The following SPRY4 variants were observed in gnomAD, a reference collection of about 807,000 sequenced individuals.
SPRY4 encodes sprouty RTK signaling antagonist 4, also known as protein sprouty homolog 4.
Under a neutral mutation model 17.0 loss-of-function variants are expected in SPRY4, and 7 were observed. That is an observed-to-expected ratio of 0.41 (90% CI 0.23 to 0.77). The LOEUF (loss-of-function observed/expected upper bound fraction) is 0.77, where lower values mean the gene tolerates loss of function less well. Among genes scored for constraint, SPRY4 ranks in the 30% least tolerant of loss-of-function variants. SPRY4 has a pLI of 0.32. For synonymous variants in SPRY4, 183 were observed against 174.1 expected (o/e 1.05, Z -0.40); for missense variants, 435 against 419.9 (o/e 1.04, Z -0.31).
chr5:142,324,977 G>C lies in SPRY4; in HGVS notation c.-181C>G, dbSNP rs545532436. 2.6e-5 allele frequency: 4 copies of C among 152,694 alleles called. No homozygotes were observed. Among genetic ancestry groups the C allele is most frequent in the Admixed American group, 6.5e-5 (1 of 15,290 alleles). The allele number at this position is 152,694 out of a possible 1,614,324, so 9.5% of individuals were successfully genotyped here. On this transcript the variant is annotated 5_prime_UTR_variant, in exon 1 of 2. Transcript: ENST00000434127. ...AGGCTCCCTGCGCTCCACAGCGCCA[G>C]CTCCGCGCTGTCAGCTCAGCTCGCT...
intron 1 of SPRY4, chr5:142,317,855 G>A: frequency 1.0e-6 from 1 of 985,390 alleles, no homozygotes; most frequent in Non-Finnish European, 1.2e-6. Context: ...GTCAACATCT[G>A]GGCCTGCAGT....
Position 142,314,037 on chromosome 5 carries a change from ATACAGGG to A in SPRY4, c.*165_*171del. 1.5e-6 allele frequency: 1 copy of A among 681,942 alleles called. No individual in the cohort carries two copies. Among genetic ancestry groups the A allele is most frequent in the Non-Finnish European group, 2.4e-6 (1 of 414,766 alleles). 42.2% of individuals were successfully genotyped at this position (681,942 alleles called of 1,614,324 possible). A position where few individuals can be genotyped will look rare whatever the true frequency, so the allele number is the denominator to read the frequency against. ...AAGTGCTTCTTCATCACCTTGGGGA[ATACAGGG>A]TACGTGGTGGTGGTCTCTGTATTTT... On this transcript the variant is annotated 3_prime_UTR_variant, in exon 2 of 2. Coordinates refer to ENST00000434127, the MANE Select transcript of SPRY4 (RefSeq NM_001127496.3). The surrounding 1 kb of genome is among the most constrained non-coding windows in gnomAD (Gnocchi z 4.8).
In SPRY4 at chr5:142,314,628, C is replaced by A; in HGVS notation, c.481G>T (p.Ala161Ser). 1.2e-6 allele frequency: 2 copies of A among 1,614,242 alleles called. No homozygotes were observed. Among genetic ancestry groups the A allele is most frequent in the South Asian group, 2.2e-5 (2 of 91,086 alleles). ...ELDKHFLLCE[A>S]CGKCKCKECA... is the part of the protein sequence containing the mutation. ...TCCTTGCATTTACACTTCCCACAGG[C>A]CTCGCACAGCAAGAAGTGCTTGTCC... is the stretch of plus-strand genomic sequence containing the variant. Residue 161 changes from alanine to serine, a missense_variant, in exon 2 of 2, where the codon GCC becomes TCC. Transcript: ENST00000434127. This position sits in a 1 kb window ranked among gnomAD's most constrained non-coding sequence, Gnocchi z 4.8.
chr5:142,321,721 A>G (rs1175665209), intron 1 of SPRY4, among the ~76,000 whole-genome samples: 31 of 152,242 alleles, frequency 2.0e-4, no homozygotes, highest in Admixed American at 2.0e-3. Flanking sequence ...CAAATGGAAC[A>G]CTATGATTCT....
At position 142,317,038 on chromosome 5, in the gene SPRY4, G is replaced by C. The variant is rs569396325; in HGVS notation, c.-47-1883C>G. The C allele has an allele frequency of 8.1e-6, 8 of 985,340 alleles. No homozygotes were observed. The African/African-American group carries it at 1.4e-4, about 17-fold the overall frequency. 61.0% of individuals were successfully genotyped at this position (985,340 alleles called of 1,614,324 possible). A position where few individuals can be genotyped will look rare whatever the true frequency, so the allele number is the denominator to read the frequency against. Reference sequence around the variant, plus strand: ...ACCATAGCATCACCTTTGAATTGGCGATTTCCTTGTGGCAGAGTTTACCTT... The same window carrying C: ...ACCATAGCATCACCTTTGAATTGGCCATTTCCTTGTGGCAGAGTTTACCTT... On this transcript the variant is annotated intron_variant, in intron 1 of 1. Coordinates refer to ENST00000434127, the MANE Select transcript of SPRY4 (RefSeq NM_001127496.3).
chr5:142,323,762 G>A (rs1264192664), intron 1 of SPRY4: 2 of 152,310 alleles, frequency 1.3e-5, no homozygotes, highest in Non-Finnish European at 1.5e-5. Context: ...TCTGCATGGA[G>A]GGGGAACTGG....
chr5:142,322,493 T>A (rs1395863613), intron 1 of SPRY4, among the ~76,000 whole-genome samples: 5 of 143,874 alleles, frequency 3.5e-5, no homozygotes, highest in Non-Finnish European at 6.1e-5. Context: ...AATATATATA[T>A]ATATATATAA....
At position 142,311,289 on chromosome 5, in the gene SPRY4, G is replaced by A. The variant is rs1285916543; in HGVS notation, c.*2920C>T. 1 of 152,208 alleles carries A rather than the reference G, an allele frequency of 6.6e-6. No homozygotes were observed. The highest frequency in any genetic ancestry group is 1.5e-5 in the Non-Finnish European group (1 of 68,072). 9.4% of individuals were successfully genotyped at this position (152,208 alleles called of 1,614,324 possible). The stretch of plus-strand genomic sequence containing the variant: ...TCCTTCATTAACACGGGCAGCCAGA[G>A]CCCCCTAGAAGCGTCCTGGATCCCA... On this transcript the variant is annotated 3_prime_UTR_variant, in exon 2 of 2. Coordinates refer to ENST00000434127, the MANE Select transcript of SPRY4 (RefSeq NM_001127496.3).
intron 1 of SPRY4, chr5:142,317,878 T>C (rs1759211601): frequency 1.0e-6 from 1 of 985,184 alleles, no homozygotes; most frequent in Admixed American, 6.2e-5. Flanking sequence ...AGGCCAGACA[T>C]GGGGATGGGA....
At chr5:142,321,246 G>A (rs1173781979) in intron 1 of SPRY4, among the ~76,000 whole-genome samples, 1 of 152,184 alleles carries the variant, frequency 6.6e-6, no homozygotes, top group Non-Finnish European at 1.5e-5. Context: ...ATAACCATGA[G>A]CATGGCCCTA....
intron 1 of SPRY4, chr5:142,319,733 T>C: frequency 1.2e-6 from 2 of 1,611,922 alleles, no homozygotes; most frequent in Non-Finnish European, 1.7e-6. Flanking sequence ...TGACACTCAC[T>C]GCATTTGTAC....
chr5:142,318,122 T>C (rs1004130956), intron 1 of SPRY4: 15 of 984,850 alleles, frequency 1.5e-5, no homozygotes, highest in Admixed American at 6.2e-5. Flanking sequence ...AACAATTTTC[T>C]GAGCTGCCTA....
Position 142,314,608 on chromosome 5 carries a change from G to A in SPRY4, c.501C>T (p.Cys167=), listed in dbSNP as rs1188156447. The change falls in exon 2 of 2, where the codon TGC becomes TGT. Residue 167 remains cysteine, a synonymous_variant. Transcript: ENST00000434127. The surrounding 1 kb of genome is among the most constrained non-coding windows in gnomAD (Gnocchi z 4.8). ...LLCEACGKCK[C]KECASPRTLP... is the part of the protein sequence containing the mutation. ...ACGTCCGGGGGGATGCACACTCCTT[G>A]CATTTACACTTCCCACAGGCCTCGC... 6.2e-7 allele frequency: 1 copy of A among 1,614,232 alleles called. No individual in the cohort carries two copies. Among genetic ancestry groups the A allele is most frequent in the Non-Finnish European group, 8.5e-7 (1 of 1,180,032 alleles).
At chr5:142,324,011 T>TA (rs1196701333) in intron 1 of SPRY4, 28 of 152,544 alleles carry the variant, frequency 1.8e-4, no homozygotes, top group African/African-American at 6.5e-4. Context: ...CGCCTGGTGT[T>TA]ATGTAAACGC....
Position 142,314,602 on chromosome 5 carries a change from C to T in SPRY4, c.507G>A (p.Glu169=), listed in dbSNP as rs771726786. The change falls in exon 2 of 2, where the codon GAG becomes GAA. Residue 169 remains glutamate, a synonymous_variant. Coordinates refer to ENST00000434127, the MANE Select transcript of SPRY4 (RefSeq NM_001127496.3). The surrounding 1 kb of genome is among the most constrained non-coding windows in gnomAD (Gnocchi z 4.8). ...AAGGCAACGTCCGGGGGGATGCACACTCCTTGCATTTACACTTCCCACAGG... is the reference window on the plus strand; with the variant it reads ...AAGGCAACGTCCGGGGGGATGCACATTCCTTGCATTTACACTTCCCACAGG... The part of the protein sequence containing the change: ...CEACGKCKCK[E]CASPRTLPSC... 1.4e-5 allele frequency: 23 copies of T among 1,614,134 alleles called. No individual in the cohort carries two copies. The highest frequency in any genetic ancestry group is 6.7e-5 in the Admixed American group (4 of 60,012).
intron 1 of SPRY4, chr5:142,315,840 T>A (rs190113742): frequency 6.6e-6 from 1 of 152,324 alleles, no homozygotes. Context: ...CCTGAGCACT[T>A]ACAAGCACTG....
intron 1 of SPRY4, among the ~76,000 whole-genome samples, chr5:142,323,518 G>GGAT (rs1208322582): frequency 2.0e-5 from 3 of 152,194 alleles, no homozygotes; most frequent in African/African-American, 7.2e-5. Context: ...TTGGCAATAT[G>GGAT]GATGCCCCTC....
intron 1 of SPRY4, among the ~76,000 whole-genome samples, chr5:142,318,979 CAA>C (rs1460042108): frequency 1.3e-5 from 2 of 152,132 alleles, no homozygotes; most frequent in African/African-American, 2.4e-5. Flanking sequence ...CACCATACTT[CAA>C]GAGAGAACCC....
At chr5:142,321,086 C>A (rs955451025) in intron 1 of SPRY4, among the ~76,000 whole-genome samples, 4 of 152,240 alleles carry the variant, frequency 2.6e-5, no homozygotes, top group African/African-American at 9.6e-5. Context: ...CGGATACATT[C>A]CCCAGCCTTG....
Sources: allele counts gnomAD v4.1 joint callset (sites outside exome capture counted in the v4.1 genomes callset), GRCh38; gene constraint gnomAD v4.1.1; non-coding constraint Gnocchi (gnomAD v3.1); transcripts MANE v1.5; gene names NCBI Gene and HGNC (gene_info 2026-07-23, HGNC 2026-07-21).